Variants in GLIPR1 observed in about 807,000 individuals in gnomAD.
The protein encoded by GLIPR1 is GLI pathogenesis related 1.
GLIPR1 carries 38 observed loss-of-function variants against 30.3 expected under a neutral mutation model. That is an observed-to-expected ratio of 1.26 (90% CI 0.97 to 1.65). The LOEUF is 1.65. Among genes scored for constraint, GLIPR1 ranks in the 40% most tolerant of loss-of-function variants. The pLI, the probability that GLIPR1 is intolerant of heterozygous loss-of-function variation, is 0.00. For missense variants in GLIPR1, 285 were observed against 326.5 expected, an observed-to-expected ratio of 0.87 and a Z score of 0.98; for synonymous variants, 122 against 110.6, an observed-to-expected ratio of 1.10 and a Z score of -0.65.
At position 75,490,559 on chromosome 12, in the gene GLIPR1, C is replaced by CCCG. The variant is rs1555239732; in HGVS notation, c.533+43_533+44insGCC. The CCCG allele has an allele frequency of 2.3e-5, 4 of 177,312 alleles. 2 individuals carry two copies. Among genetic ancestry groups the CCCG allele is most frequent in the South Asian group, 1.5e-4 (2 of 13,286 alleles). 11.0% of individuals were successfully genotyped at this position (177,312 alleles called of 1,614,324 possible). A position where few individuals can be genotyped will look rare whatever the true frequency, so the allele number is the denominator to read the frequency against. ...AACCGGTTTATAGGAAACGCCCCCC[C>CCCG]CCCCCCGCAAAAAAAAACAACAACA... On this transcript the variant is annotated intron_variant, in intron 3 of 5. Transcript: ENST00000266659.
intron 2 of GLIPR1, chr12:75,487,636 T>C (rs2046299721): frequency 2.7e-6 from 1 of 376,010 alleles, no homozygotes; most frequent in Admixed American, 3.2e-5. Context: ...CTGCCCATCA[T>C]CTCCCTAGTC....
rs1317519327 is a variant in GLIPR1, at chr12:75,503,720, A to G, written c.*4742A>G. On this transcript the variant is annotated 3_prime_UTR_variant, in exon 6 of 6. Coordinates refer to ENST00000266659, the MANE Select transcript of GLIPR1 (RefSeq NM_006851.3). ...AATCAATGTGAACGCCCCACTGCAC[A>G]CCCCCATGCACTCAGCTCAAAATAT... 1.3e-5 allele frequency: 6 copies of G among 451,878 alleles called. No individual in the cohort carries two copies. Among genetic ancestry groups the G allele is most frequent in the Non-Finnish European group, 2.3e-5 (6 of 258,738 alleles). The allele number at this position is 451,878 out of a possible 1,614,324, so 28.0% of individuals were successfully genotyped here.
At chr12:75,498,662 A>C (rs2046367093) in intron 4 of GLIPR1, 32 bp from the exon 5 acceptor site, 2 of 1,585,592 alleles carry the variant, frequency 1.3e-6, no homozygotes, top group Non-Finnish European at 1.7e-6. Context: ...TACCCTTTTA[A>C]TTTTTTTTCT....
rs149978057 is a variant in GLIPR1 at position 75,488,080 on chromosome 12, G to A, written c.421-2326G>A. ...TCACACTCATCGCCATCTTGGTTTT[G>A]GTGGGTTTTAGCTGGCTTCCTTACT... On this transcript the variant is annotated intron_variant, in intron 2 of 5. Coordinates refer to ENST00000266659, the MANE Select transcript of GLIPR1 (RefSeq NM_006851.3). Among the ~76,000 whole-genome samples the A allele has an allele frequency of 3.7e-3, 570 of 152,246 alleles. 4 individuals carry two copies. The highest frequency in any genetic ancestry group is 0.013 in the African/African-American group (546 of 41,560).
chr12:75,497,450 AT>A (rs1482184682), intron 4 of GLIPR1: 2 of 152,206 alleles, frequency 1.3e-5, no homozygotes, highest in Non-Finnish European at 2.9e-5. Flanking sequence ...AGTGCTCAAC[AT>A]CTTACAGATT....
Position 75,501,869 on chromosome 12 carries a change from T to G in GLIPR1, c.*2891T>G. 1 of 1,581,170 alleles carries G rather than the reference T, an allele frequency of 6.3e-7. No homozygotes were observed. Among genetic ancestry groups the G allele is most frequent in the Non-Finnish European group, 8.6e-7 (1 of 1,156,094 alleles). ...GTTAAATGTATTTATAGTTAAATAA[T>G]TCAAGTATCTATGAACTTTGCTATT... On this transcript the variant is annotated 3_prime_UTR_variant, in exon 6 of 6. Transcript: ENST00000266659.
chr12:75,498,954 C>G lies in GLIPR1; in HGVS notation c.777C>G (p.Tyr259Ter). Residue 259 changes from tyrosine to a stop codon, truncating the protein, a stop_gained, in exon 6 of 6, where the codon TAC (tyrosine) becomes TAG (stop). Coordinates refer to ENST00000266659, the MANE Select transcript of GLIPR1 (RefSeq NM_006851.3). LOFTEE classifies it high-confidence loss of function. ...TTACCATTTTGGTACAGCACAAGTA[C>G]CCTAATTTAGTTCTTTTGGACTAAT... ...VIITILVQHK[Y>*]PNLVLLD The G allele has an allele frequency of 6.2e-7, 1 of 1,601,080 alleles. No individual in the cohort carries two copies. The highest frequency in any genetic ancestry group is 8.5e-7 in the Non-Finnish European group (1 of 1,174,966).
chr12:75,501,440 C>T lies in GLIPR1; in HGVS notation c.*2462C>T. ...TCTTCTTGCATTTCTACAGAAGATGCACTGGCTGCCCTGGGTTTGTATCTT... is the reference window on the plus strand; with the variant it reads ...TCTTCTTGCATTTCTACAGAAGATGTACTGGCTGCCCTGGGTTTGTATCTT... On this transcript the variant is annotated 3_prime_UTR_variant, in exon 6 of 6. Transcript: ENST00000266659. 1 of 293,260 alleles carries T rather than the reference C, an allele frequency of 3.4e-6. No individual in the cohort carries two copies. The highest frequency in any genetic ancestry group is 6.6e-5 in the East Asian group (1 of 15,114). The allele number at this position is 293,260 out of a possible 1,614,324, so 18.2% of individuals were successfully genotyped here. A position where few individuals can be genotyped will look rare whatever the true frequency, so the allele number is the denominator to read the frequency against.
At chr12:75,487,256 G>A (rs868345626) in intron 2 of GLIPR1, among the ~76,000 whole-genome samples, 5 of 152,198 alleles carry the variant, frequency 3.3e-5, no homozygotes, top group Non-Finnish European at 5.9e-5. Context: ...CAACTCCAGT[G>A]ACTGGCATTC....
rs1219599350 is a variant in GLIPR1 at position 75,503,000 on chromosome 12, AT to A, written c.*4023del. 5.3e-5 allele frequency: 8 copies of A among 152,116 alleles called. No individual in the cohort carries two copies. In the East Asian group the frequency reaches 1.5e-3, roughly 29 times the overall value. 9.4% of individuals were successfully genotyped at this position (152,116 alleles called of 1,614,324 possible). A position where few individuals can be genotyped will look rare whatever the true frequency, so the allele number is the denominator to read the frequency against. On this transcript the variant is annotated 3_prime_UTR_variant, in exon 6 of 6. Coordinates refer to ENST00000266659, the MANE Select transcript of GLIPR1 (RefSeq NM_006851.3). ...CCAACCATGGTTGTGGAAAAAAGAG[AT>A]GTAGAAAGCAATGAGTTCACATGCT...
chr12:75,500,042 G>A lies in GLIPR1; in HGVS notation c.*1064G>A, dbSNP rs552317226. 10 of 974,694 alleles carry A rather than the reference G, an allele frequency of 1.0e-5. No individual in the cohort carries two copies. The East Asian group carries it at 2.6e-4, about 25-fold the overall frequency. The allele number at this position is 974,694 out of a possible 1,614,324, so 60.4% of individuals were successfully genotyped here. On this transcript the variant is annotated 3_prime_UTR_variant, in exon 6 of 6. Transcript: ENST00000266659. The stretch of plus-strand genomic sequence containing the variant: ...TGTTTAACAAAGAATATATGTTTAA[G>A]GCAGTTAACTTCAGAGTATTCTTAT...
At chr12:75,488,558 AC>A (rs1302855934) in intron 2 of GLIPR1, among the ~76,000 whole-genome samples, 1 of 152,208 alleles carries the variant, frequency 6.6e-6, no homozygotes, top group African/African-American at 2.4e-5. Flanking sequence ...AAACAAAAAA[AC>A]AAAACCACAA....
rs118142444 is a variant in GLIPR1, at chr12:75,503,454, A to G, written c.*4476A>G. The G allele has an allele frequency of 0.013, 1,934 of 152,586 alleles. 19 individuals are homozygous for G. Among genetic ancestry groups the G allele is most frequent in the Non-Finnish European group, 0.02 (1,390 of 68,126 alleles). The allele number at this position is 152,586 out of a possible 1,614,324, so 9.5% of individuals were successfully genotyped here. A position where few individuals can be genotyped will look rare whatever the true frequency, so the allele number is the denominator to read the frequency against. On this transcript the variant is annotated 3_prime_UTR_variant, in exon 6 of 6. Transcript: ENST00000266659. ...ACAATGATGTGCAAGAACAAAATGG[A>G]AACTGGTCATGGTGGGAAAGGAAAT...
Position 75,500,025 on chromosome 12 carries a change from A to C in GLIPR1, c.*1047A>C. On this transcript the variant is annotated 3_prime_UTR_variant, in exon 6 of 6. Transcript: ENST00000266659. ...GTAAAACAAAGAATATATGTTTAAC[A>C]AAGAATATATGTTTAAGGCAGTTAA... The C allele has an allele frequency of 1.7e-6, 2 of 1,197,758 alleles. No individual in the cohort carries two copies. The highest frequency in any genetic ancestry group is 2.9e-5 in the South Asian group (2 of 70,168). 74.2% of individuals were successfully genotyped at this position (1,197,758 alleles called of 1,614,324 possible). A position where few individuals can be genotyped will look rare whatever the true frequency, so the allele number is the denominator to read the frequency against.
intron 3 of GLIPR1, chr12:75,494,664 G>A (rs998764212): frequency 6.6e-6 from 1 of 152,122 alleles, no homozygotes; most frequent in African/African-American, 2.4e-5. Context: ...CAAAGGGTAC[G>A]ATTACACAAA....
Position 75,501,688 on chromosome 12 carries a change from A to G in GLIPR1, c.*2710A>G. On this transcript the variant is annotated 3_prime_UTR_variant, in exon 6 of 6. Coordinates refer to ENST00000266659, the MANE Select transcript of GLIPR1 (RefSeq NM_006851.3). ...ATTTATTATGGGTTTACTTTTCCTA[A>G]TTAATAAAGACTTTTACATCATAGA... 1 of 1,371,488 alleles carries G rather than the reference A, an allele frequency of 7.3e-7. No individual in the cohort carries two copies. Among genetic ancestry groups the G allele is most frequent in the Non-Finnish European group, 1.0e-6 (1 of 978,654 alleles). The allele number at this position is 1,371,488 out of a possible 1,614,324, so 85.0% of individuals were successfully genotyped here. A position where few individuals can be genotyped will look rare whatever the true frequency, so the allele number is the denominator to read the frequency against.
At chr12:75,497,098 A>G (rs2046356187) in intron 4 of GLIPR1, 1 of 152,236 alleles carries the variant, frequency 6.6e-6, no homozygotes, top group African/African-American at 2.4e-5. Flanking sequence ...TATGGATTTC[A>G]GAACCAGTAT....
chr12:75,487,767 A>C (rs911369079), intron 2 of GLIPR1: 2 of 456,434 alleles, frequency 4.4e-6, no homozygotes, highest in Non-Finnish European at 8.8e-6. Context: ...CGGGATCCAA[A>C]CCCCAAGAGA....
chr12:75,483,029 A>G (rs1199167268), intron 2 of GLIPR1, among the ~76,000 whole-genome samples: 1 of 152,194 alleles, frequency 6.6e-6, no homozygotes, highest in African/African-American at 2.4e-5. Flanking sequence ...AAGGAACAAC[A>G]TGGTGTAAGA....
Sources: allele counts gnomAD v4.1 joint callset (sites outside exome capture counted in the v4.1 genomes callset), GRCh38; gene constraint gnomAD v4.1.1; transcripts MANE v1.5; gene names NCBI Gene and HGNC (gene_info 2026-07-23, HGNC 2026-07-21).